The following BRINP3 variants were observed in gnomAD, a reference collection of about 807,000 sequenced individuals.
BRINP3 encodes the protein BMP/retinoic acid-inducible neural-specific protein 3.
Under a neutral mutation model 71.0 loss-of-function variants are expected in BRINP3, and 19 were observed. That is an observed-to-expected ratio of 0.27 (90% CI 0.19 to 0.39). The LOEUF (loss-of-function observed/expected upper bound fraction) is 0.39, where lower values mean the gene tolerates loss of function less well. Among genes scored for constraint, BRINP3 ranks in the 10% least tolerant of loss-of-function variants. The pLI is 1.00. For synonymous variants in BRINP3, 380 were observed against 337.7 expected, an observed-to-expected ratio of 1.13 and a Z score of -1.37; for missense variants, 959 against 940.8, an observed-to-expected ratio of 1.02 and a Z score of -0.25.
intron 3 of BRINP3, among the ~76,000 whole-genome samples, chr1:190,280,220 G>A (rs1662930364): frequency 1.3e-5 from 2 of 151,802 alleles, no homozygotes; most frequent in Admixed American, 6.6e-5. Flanking sequence ...TAACATTTGG[G>A]TAGAAAAATG....
chr1:190,189,455 T>A (rs532108492), intron 6 of BRINP3, among the ~76,000 whole-genome samples: 92 of 152,208 alleles, frequency 6.0e-4, no homozygotes, highest in African/African-American at 2.2e-3. Flanking sequence ...CTTCTATTAT[T>A]TTTTCTTTTT....
intron 1 of BRINP3, among the ~76,000 whole-genome samples, chr1:190,473,540 CT>C (rs201424484): frequency 1.4e-3 from 190 of 133,032 alleles, no homozygotes; most frequent in Middle Eastern, 4.0e-3. Context: ...TAATTTTTCT[CT>C]TTTTTTTTTT....
chr1:190,159,330 T>A (rs917103273), intron 7 of BRINP3, among the ~76,000 whole-genome samples: 6 of 152,076 alleles, frequency 3.9e-5, no homozygotes, highest in African/African-American at 1.4e-4. Context: ...AAATGTTAAA[T>A]ACAGTTGTCT....
intron 7 of BRINP3, among the ~76,000 whole-genome samples, chr1:190,158,111 G>A (rs997323022): frequency 5.9e-5 from 9 of 152,220 alleles, no homozygotes; most frequent in Middle Eastern, 3.4e-3. Context: ...CACATGTTGT[G>A]GAAGGGACCC....
At chr1:190,376,812 A>G (rs1670214432) in intron 2 of BRINP3, among the ~76,000 whole-genome samples, 1 of 152,042 alleles carries the variant, frequency 6.6e-6, no homozygotes, top group Non-Finnish European at 1.5e-5. Flanking sequence ...TTAGTAAAAT[A>G]ATTTATCTTT....
chr1:190,129,561 A>G (rs1208489675), intron 7 of BRINP3, among the ~76,000 whole-genome samples: 1 of 151,950 alleles, frequency 6.6e-6, no homozygotes, highest in African/African-American at 2.4e-5. Context: ...ACAATAAGCC[A>G]ATCTGTGTTT....
chr1:190,377,760 T>C (rs1036946827), intron 2 of BRINP3, among the ~76,000 whole-genome samples: 1 of 151,342 alleles, frequency 6.6e-6, no homozygotes, highest in Admixed American at 6.6e-5. Context: ...GAAAATGAAA[T>C]TAAGAAAACT....
intron 2 of BRINP3, among the ~76,000 whole-genome samples, chr1:190,385,495 G>A (rs1478448327): frequency 2.0e-5 from 3 of 151,674 alleles, no homozygotes; most frequent in Non-Finnish European, 1.5e-5. Context: ...CATCATCACT[G>A]GCCATCAGAG....
chr1:190,113,939 CATTCTACCTGAAGACTCAGGA>C (rs1652905123), intron 7 of BRINP3, among the ~76,000 whole-genome samples: 2 of 152,170 alleles, frequency 1.3e-5, no homozygotes, highest in Non-Finnish European at 2.9e-5. Context: ...CAACAGTCTA[CATTCTACCTGAAGACTCAGGA>C]ATCCTATGTG....
chr1:190,352,673 T>C (rs938736786), intron 2 of BRINP3, among the ~76,000 whole-genome samples: 4 of 152,082 alleles, frequency 2.6e-5, no homozygotes, highest in African/African-American at 9.6e-5. Flanking sequence ...TATAACCTAA[T>C]GTGTACTCTG....
chr1:190,419,265 G>C (rs1170933540), intron 2 of BRINP3, among the ~76,000 whole-genome samples: 2 of 151,908 alleles, frequency 1.3e-5, no homozygotes, highest in East Asian at 3.9e-4. Flanking sequence ...AAAAATTTCT[G>C]TCATTGCAAG....
At chr1:190,210,361 G>C (rs1197048769) in intron 6 of BRINP3, among the ~76,000 whole-genome samples, 15 of 151,950 alleles carry the variant, frequency 9.9e-5, no homozygotes. Flanking sequence ...AGTTATCAAA[G>C]TCACTTTTTG....
intron 4 of BRINP3, among the ~76,000 whole-genome samples, chr1:190,239,822 T>C (rs1658883626): frequency 6.6e-6 from 1 of 152,026 alleles, no homozygotes; most frequent in East Asian, 1.9e-4. Flanking sequence ...TTTTCATACA[T>C]ATATCCTTTC....
chr1:190,337,212 A>G (rs1171381), intron 2 of BRINP3, among the ~76,000 whole-genome samples: 89,478 of 151,720 alleles, frequency 0.59, 26,532 homozygotes, highest in Admixed American at 0.69. Flanking sequence ...TCCCAGAAAA[A>G]AAACGGATGG....
rs774769622 is a variant in BRINP3 at position 190,098,393 on chromosome 1, C to T, written c.1926G>A (p.Glu642=). The part of the protein sequence containing the change: ...RIKSNGPNGN[E]SIYYEPLEFI... ...ACTCCAGAGGTTCATAGTAAATGCTCTCATTACCATTGGGACCATTGGACT... is the reference window on the plus strand; with the variant it reads ...ACTCCAGAGGTTCATAGTAAATGCTTTCATTACCATTGGGACCATTGGACT... Residue 642 remains glutamate (E), a synonymous_variant, in exon 8 of 8, where the codon GAG becomes GAA. Transcript: ENST00000367462. The T allele has an allele frequency of 7.4e-6, 12 of 1,614,062 alleles. No individual in the cohort carries two copies. The South Asian group carries it at 9.9e-5, about 13-fold the overall frequency.
At chr1:190,352,045 A>C (rs1310738658) in intron 2 of BRINP3, among the ~76,000 whole-genome samples, 1 of 152,002 alleles carries the variant, frequency 6.6e-6, no homozygotes, top group Non-Finnish European at 1.5e-5. Context: ...GTATCCAACC[A>C]ACATAATATA....
chr1:190,124,425 A>T (rs1385304793), intron 7 of BRINP3, among the ~76,000 whole-genome samples: 10 of 152,084 alleles, frequency 6.6e-5, no homozygotes, highest in African/African-American at 2.4e-4. Flanking sequence ...AGACTAAGAC[A>T]ACTTATATCC....
At chr1:190,296,112 A>T (rs1464167433) in intron 2 of BRINP3, among the ~76,000 whole-genome samples, 3 of 151,490 alleles carry the variant, frequency 2.0e-5, no homozygotes, top group Admixed American at 2.0e-4. Flanking sequence ...ATATTTAAAA[A>T]ATTTTTGCCA....
In BRINP3 at chr1:190,164,952, G is replaced by T. The variant is rs907689324; in HGVS notation, c.962-4062C>A. ...CTCTACTGGCTCACATTTTATGTATGTGTTTTTTTAAATCAATGTATATAT... is the reference window on the plus strand; with the variant it reads ...CTCTACTGGCTCACATTTTATGTATTTGTTTTTTTAAATCAATGTATATAT... On this transcript the variant is annotated intron_variant, in intron 6 of 7. Transcript: ENST00000367462. 2.6e-5 allele frequency among the ~76,000 whole-genome samples: 4 copies of T among 151,888 alleles called. 1 individual carries two copies. The highest frequency in any genetic ancestry group is 7.3e-5 in the African/African-American group (3 of 41,336).
Sources: gnomAD v4.1 joint callset for allele counts (sites outside exome capture counted in the v4.1 genomes callset) on GRCh38, gnomAD v4.1.1 for gene constraint, MANE v1.5 for transcripts, NCBI Gene and HGNC (gene_info 2026-07-23, HGNC 2026-07-21) for gene names.